The following UVRAG variants were observed in gnomAD, a reference collection of about 807,000 sequenced individuals.
UVRAG encodes the protein UV radiation resistance-associated gene protein.
UVRAG carries 19 observed loss-of-function variants against 78.0 expected under a neutral mutation model. That is an observed-to-expected ratio of 0.24 (90% CI 0.17 to 0.36). UVRAG has a LOEUF of 0.36. Ranked by LOEUF, UVRAG falls within the 10% of genes least tolerant of loss-of-function variation. UVRAG has a pLI of 1.00. For missense variants in UVRAG, 740 were observed against 853.8 expected (o/e 0.87, Z 1.66); for synonymous variants, 323 against 324.6 (o/e 1.00, Z 0.05).
At chr11:75,818,624 A>C (rs563709959) in intron 1 of UVRAG, among the ~76,000 whole-genome samples, 10 of 151,764 alleles carry the variant, frequency 6.6e-5, no homozygotes, top group Admixed American at 5.9e-4. Context: ...GATTACAAGC[A>C]CCTGCCACCA....
At chr11:75,853,752 A>G (rs1565346587) in intron 2 of UVRAG, among the ~76,000 whole-genome samples, 1 of 145,544 alleles carries the variant, frequency 6.9e-6, no homozygotes, top group Non-Finnish European at 1.5e-5. Context: ...GGATTTATTT[A>G]TTTATTTGTT....
intron 3 of UVRAG, among the ~76,000 whole-genome samples, chr11:75,873,796 G>T (rs749828530): frequency 1.8e-4 from 27 of 152,180 alleles, no homozygotes; most frequent in Non-Finnish European, 3.2e-4. Context: ...GCTCACAAAT[G>T]ATTGCCATTA....
At chr11:75,926,182 C>A (rs1312067957) in intron 6 of UVRAG, among the ~76,000 whole-genome samples, 1 of 152,146 alleles carries the variant, frequency 6.6e-6, no homozygotes, top group Admixed American at 6.5e-5. Flanking sequence ...CCTTGTGCCT[C>A]CCCGTGGAGG....
intron 13 of UVRAG, among the ~76,000 whole-genome samples, chr11:76,083,814 G>A (rs1005767367): frequency 3.3e-5 from 5 of 152,156 alleles, no homozygotes; most frequent in Admixed American, 3.3e-4. Flanking sequence ...GAAATCATCT[G>A]AACGGAATGT....
intron 5 of UVRAG, among the ~76,000 whole-genome samples, chr11:75,905,969 C>CTGTT (rs1262830202): frequency 6.6e-6 from 1 of 151,950 alleles, no homozygotes; most frequent in Non-Finnish European, 1.5e-5. Flanking sequence ...TCACTATCTT[C>CTGTT]TGTTTGTTTG....
intron 12 of UVRAG, among the ~76,000 whole-genome samples, chr11:76,049,307 T>G (rs1389079870): frequency 6.6e-6 from 1 of 152,180 alleles, no homozygotes; most frequent in African/African-American, 2.4e-5. Flanking sequence ...AAAGCAATAA[T>G]GTATATAATA....
intron 5 of UVRAG, among the ~76,000 whole-genome samples, chr11:75,906,490 A>T (rs1477216064): frequency 1.3e-5 from 2 of 151,830 alleles, no homozygotes; most frequent in Non-Finnish European, 2.9e-5. Context: ...TGGGATTACA[A>T]GCGCGTGCCA....
intron 11 of UVRAG, among the ~76,000 whole-genome samples, chr11:76,015,802 A>C (rs1950136414): frequency 1.3e-5 from 2 of 152,174 alleles, no homozygotes. Context: ...ATTGAGGTTA[A>C]AGCCACCCTT....
intron 8 of UVRAG, among the ~76,000 whole-genome samples, chr11:75,995,286 A>C (rs1320560310): frequency 6.6e-6 from 1 of 151,902 alleles, no homozygotes; most frequent in African/African-American, 2.4e-5. Context: ...GTAACTAGCC[A>C]TACTTTTCTC....
chr11:75,941,993 A>G (rs999262860), intron 6 of UVRAG: 1 of 152,190 alleles, frequency 6.6e-6, no homozygotes, highest in Non-Finnish European at 1.5e-5. Flanking sequence ...AAAACAAATG[A>G]TAATGAATAA....
chr11:75,856,778 C>T (rs1946302689), intron 2 of UVRAG, among the ~76,000 whole-genome samples: 1 of 152,162 alleles, frequency 6.6e-6, no homozygotes, highest in South Asian at 2.1e-4. Context: ...ACCTGTTGAC[C>T]TTTCCTCTGA....
At chr11:75,866,529 C>T (rs1946545248) in intron 3 of UVRAG, among the ~76,000 whole-genome samples, 1 of 151,826 alleles carries the variant, frequency 6.6e-6, no homozygotes, top group Non-Finnish European at 1.5e-5. Flanking sequence ...GCTTGGGCGA[C>T]ACAGTGAGAA....
At chr11:76,021,003 A>C (rs1362421359) in intron 12 of UVRAG, among the ~76,000 whole-genome samples, 5 of 152,158 alleles carry the variant, frequency 3.3e-5, no homozygotes, top group Admixed American at 3.3e-4. Flanking sequence ...ACAGAGCAGC[A>C]CTGAGTTGAA....
At chr11:76,041,245 T>C (rs1950643931) in intron 12 of UVRAG, among the ~76,000 whole-genome samples, 1 of 152,154 alleles carries the variant, frequency 6.6e-6, no homozygotes, top group Non-Finnish European at 1.5e-5. Context: ...TGGAAGAAGC[T>C]ACAGAAATAA....
intron 6 of UVRAG, among the ~76,000 whole-genome samples, chr11:75,949,190 G>A (rs1470420387): frequency 6.6e-6 from 1 of 152,092 alleles, no homozygotes; most frequent in African/African-American, 2.4e-5. Context: ...TGATTTTTGT[G>A]ACAGTGGTCA....
chr11:75,953,484 A>C (rs1458834571), intron 6 of UVRAG, among the ~76,000 whole-genome samples: 2 of 151,784 alleles, frequency 1.3e-5, no homozygotes, highest in East Asian at 1.9e-4. Flanking sequence ...CTCCCTTTTT[A>C]TCTCTCTCTG....
At chr11:76,012,320 GAAAAAA>G (rs542024632) in intron 11 of UVRAG, among the ~76,000 whole-genome samples, 3 of 140,148 alleles carry the variant, frequency 2.1e-5, no homozygotes, top group African/African-American at 2.6e-5. Flanking sequence ...TTTAAAAAAG[GAAAAAA>G]AAAAAGAAAA....
intron 8 of UVRAG, among the ~76,000 whole-genome samples, chr11:75,994,818 A>C (rs566434836): frequency 2.6e-5 from 4 of 152,160 alleles, no homozygotes; most frequent in African/African-American, 9.6e-5. Context: ...CTGTTTTTCT[A>C]TTTGGCCTGT....
intron 1 of UVRAG, among the ~76,000 whole-genome samples, chr11:75,829,698 C>T (rs73489941): frequency 0.051 from 7,730 of 152,214 alleles, 678 homozygotes; most frequent in African/African-American, 0.18. Flanking sequence ...CTTCTAGGGT[C>T]TTAGTAGCAA....
Sources: gnomAD v4.1 joint callset for allele counts (sites outside exome capture counted in the v4.1 genomes callset) on GRCh38, gnomAD v4.1.1 for gene constraint, MANE v1.5 for transcripts, NCBI Gene and HGNC (gene_info 2026-07-23, HGNC 2026-07-21) for gene names.